The following CYP2C8 variants were observed in gnomAD, a reference collection of about 807,000 sequenced individuals.
CYP2C8 encodes the protein cytochrome P450 2C8.
CYP2C8 carries 51 observed loss-of-function variants against 41.3 expected under a neutral mutation model. That is an observed-to-expected ratio of 1.24 (90% CI 0.99 to 1.56). The LOEUF (loss-of-function observed/expected upper bound fraction) is 1.56. CYP2C8 is among the 40% of genes most tolerant of loss of function. The probability of loss-of-function intolerance (pLI) is 0.00; values close to 1 mark genes in which losing one functional copy is unlikely to be tolerated. For synonymous variants in CYP2C8, 218 were observed against 205.8 expected (o/e 1.06, Z -0.51); for missense variants, 651 against 579.9 (o/e 1.12, Z -1.26).
At chr10:95,061,373 G>T (rs978259488) in intron 4 of CYP2C8, among the ~76,000 whole-genome samples, 1 of 152,080 alleles carries the variant, frequency 6.6e-6, no homozygotes, top group East Asian at 1.9e-4. Flanking sequence ...GTCTTGGGAG[G>T]GTGTATGTGT....
intron 4 of CYP2C8, among the ~76,000 whole-genome samples, chr10:95,061,551 C>T (rs542321002): frequency 6.6e-6 from 1 of 151,972 alleles, no homozygotes; most frequent in East Asian, 1.9e-4. Context: ...TATTAGTCTT[C>T]CTAATGGTCT....
intron 5 of CYP2C8, among the ~76,000 whole-genome samples, chr10:95,054,515 A>G (rs2134423752): frequency 6.6e-6 from 1 of 152,208 alleles, no homozygotes; most frequent in Non-Finnish European, 1.5e-5. Context: ...AGTATATCCA[A>G]TTTCACTACT....
intron 5 of CYP2C8, among the ~76,000 whole-genome samples, chr10:95,052,849 G>A (rs1301138215): frequency 6.6e-6 from 1 of 151,770 alleles, no homozygotes; most frequent in Non-Finnish European, 1.5e-5. Context: ...TACTAAATAG[G>A]GAAAAACTAA....
intron 5 of CYP2C8, among the ~76,000 whole-genome samples, chr10:95,050,680 A>C (rs2033196338): frequency 6.6e-6 from 1 of 152,190 alleles, no homozygotes; most frequent in East Asian, 1.9e-4. Context: ...CAGTACCTCT[A>C]CAAGTCTTCA....
intron 5 of CYP2C8, among the ~76,000 whole-genome samples, chr10:95,049,919 G>A (rs937412497): frequency 7.3e-6 from 1 of 136,612 alleles, no homozygotes; most frequent in Non-Finnish European, 1.6e-5. Flanking sequence ...GAGGGCTTTG[G>A]GTAAGTCTCT....
intron 7 of CYP2C8, 113 bp from the exon 8 acceptor site, chr10:95,039,151 C>T (rs2032947846): frequency 2.2e-6 from 2 of 929,378 alleles, no homozygotes; most frequent in Non-Finnish European, 3.5e-6. Flanking sequence ...AACTCAGGTC[C>T]AGCCAGACAC....
intron 5 of CYP2C8, among the ~76,000 whole-genome samples, chr10:95,046,808 T>G (rs1483068881): frequency 4.0e-5 from 6 of 151,768 alleles, no homozygotes; most frequent in Non-Finnish European, 7.4e-5. Flanking sequence ...GCTACCATAT[T>G]ATTTCTAGTC....
intron 3 of CYP2C8, among the ~76,000 whole-genome samples, chr10:95,066,370 T>G (rs912427171): frequency 4.0e-5 from 6 of 151,808 alleles, no homozygotes; most frequent in African/African-American, 1.5e-4. Context: ...TAAGAACCAA[T>G]ACAGGGGAAA....
At chr10:95,057,924 T>C (rs993014954) in intron 5 of CYP2C8, among the ~76,000 whole-genome samples, 2 of 152,188 alleles carry the variant, frequency 1.3e-5, no homozygotes, top group African/African-American at 4.8e-5. Flanking sequence ...TGAAAATATA[T>C]TAAGGGCTAT....
chr10:95,051,349 C>A (rs2033211987), intron 5 of CYP2C8, among the ~76,000 whole-genome samples: 2 of 151,964 alleles, frequency 1.3e-5, no homozygotes, highest in Non-Finnish European at 2.9e-5. Flanking sequence ...ATGAAGCACA[C>A]CTACAGGATC....
At chr10:95,051,989 TAAAG>T (rs144668941) in intron 5 of CYP2C8, among the ~76,000 whole-genome samples, 4,374 of 151,912 alleles carry the variant, frequency 0.029, 226 homozygotes, top group African/African-American at 0.098. Context: ...TAAATTGAAA[TAAAG>T]AAAACAATAC....
chr10:95,056,068 G>A (rs1385579909), intron 5 of CYP2C8, among the ~76,000 whole-genome samples: 16 of 151,954 alleles, frequency 1.1e-4, no homozygotes, highest in Non-Finnish European at 2.4e-4. Context: ...ACTCCAACCT[G>A]AGCAACACAG....
chr10:95,067,750 T>C (rs2033602892), intron 1 of CYP2C8, 59 bp from the exon 2 acceptor site: 4 of 1,492,982 alleles, frequency 2.7e-6, no homozygotes, highest in Admixed American at 3.5e-5. Context: ...AAATACTATG[T>C]ATGATTCAGA....
intron 5 of CYP2C8, among the ~76,000 whole-genome samples, chr10:95,050,880 A>G (rs1220269222): frequency 6.6e-6 from 1 of 152,020 alleles, no homozygotes; most frequent in African/African-American, 2.4e-5. Context: ...GTGTACAAAA[A>G]AAACCCCAGA....
rs1465600544 is a variant in CYP2C8 at position 95,037,289 on chromosome 10, C to G, written c.1312G>C (p.Glu438Gln). ...AATAGCTCCATGCGGGCAAGTCCTT[C>G]TCCTGCACAAATTCGTTTTCCTGAA... Reference protein sequence around the residue: ...FSAGKRICAGEGLARMELFLF... With the variant: ...FSAGKRICAGQGLARMELFLF... Residue 438 changes from glutamate (E) to glutamine (Q), a missense_variant, in exon 9 of 9, where the codon GAA (glutamate) becomes CAA (glutamine). Physicochemically the swap from Glu to Gln is conservative, Grantham distance 29. Coordinates refer to ENST00000371270, the MANE Select transcript of CYP2C8 (RefSeq NM_000770.3). 3 of 1,613,376 alleles carry G rather than the reference C, an allele frequency of 1.9e-6. No homozygotes were observed. The East Asian group carries it at 6.7e-5, about 36-fold the overall frequency.
intron 4 of CYP2C8, among the ~76,000 whole-genome samples, chr10:95,062,123 A>T (rs181360036): frequency 6.6e-5 from 10 of 152,200 alleles, no homozygotes; most frequent in East Asian, 5.8e-4. Flanking sequence ...TCTGTTGATT[A>T]GGGGTGGAGA....
At chr10:95,055,946 A>G (rs1330770673) in intron 5 of CYP2C8, among the ~76,000 whole-genome samples, 1 of 152,024 alleles carries the variant, frequency 6.6e-6, no homozygotes, top group Non-Finnish European at 1.5e-5. Context: ...TACAAAAATT[A>G]GCTGGGTGTG....
Position 95,043,015 on chromosome 10 carries a change from T to C in CYP2C8, c.1024A>G (p.Arg342Gly). The C allele has an allele frequency of 6.2e-7, 1 of 1,614,188 alleles. No individual in the cohort carries two copies. The highest frequency in any genetic ancestry group is 8.5e-7 in the Non-Finnish European group (1 of 1,180,006). ...GRHRSPCMQD[R>G]SHMPYTDAVV... ...GCATCAGTGTAAGGCATGTGGCTCCTATCCTGCATGCAGGGGCTCCTGTGT... is the reference window on the plus strand; with the variant it reads ...GCATCAGTGTAAGGCATGTGGCTCCCATCCTGCATGCAGGGGCTCCTGTGT... Residue 342 changes from arginine (R) to glycine (G), a missense_variant, in exon 7 of 9, where the codon AGG becomes GGG. Transcript: ENST00000371270.
At chr10:95,068,035 A>G (rs532497342) in intron 1 of CYP2C8, among the ~76,000 whole-genome samples, 4 of 152,238 alleles carry the variant, frequency 2.6e-5, no homozygotes, top group Non-Finnish European at 5.9e-5. Context: ...GGTAATATGT[A>G]GAAGCTCCAA....
Sources: allele counts gnomAD v4.1 joint callset (sites outside exome capture counted in the v4.1 genomes callset), GRCh38; gene constraint gnomAD v4.1.1; transcripts MANE v1.5; gene names NCBI Gene and HGNC (gene_info 2026-07-23, HGNC 2026-07-21).